NTRK3: variants seen among roughly 807,000 people sequenced by gnomAD.
NTRK3 encodes the protein NT-3 growth factor receptor.
Under a neutral mutation model 91.7 loss-of-function variants are expected in NTRK3, and 24 were observed. The observed-to-expected ratio is 0.26, with a 90% CI of 0.19 to 0.37. The LOEUF is 0.37. Ranked by LOEUF, NTRK3 falls within the 10% of genes least tolerant of loss-of-function variation. The pLI is 1.00. For synonymous variants in NTRK3, 483 were observed against 404.0 expected, an observed-to-expected ratio of 1.20 and a Z score of -2.34; for missense variants, 880 against 1,068.9, an observed-to-expected ratio of 0.82 and a Z score of 2.46.
intron 14 of NTRK3, among the ~76,000 whole-genome samples, chr15:87,995,735 A>G (rs1214649553): frequency 2.6e-5 from 4 of 152,318 alleles, no homozygotes; most frequent in African/African-American, 7.2e-5. Context: ...GTCAAGAGAC[A>G]GACAGTAAAT....
chr15:88,029,387 G>C (rs1279691483), intron 14 of NTRK3, among the ~76,000 whole-genome samples: 1 of 152,198 alleles, frequency 6.6e-6, no homozygotes, highest in Non-Finnish European at 1.5e-5. Flanking sequence ...CTATGGACCA[G>C]ATTGAAAGCA....
intron 14 of NTRK3, among the ~76,000 whole-genome samples, chr15:87,956,473 C>T (rs996373011): frequency 1.3e-5 from 2 of 152,200 alleles, no homozygotes; most frequent in African/African-American, 4.8e-5. Context: ...GGGGTTTTGC[C>T]ATGTTGGCCA....
intron 13 of NTRK3, among the ~76,000 whole-genome samples, chr15:88,087,876 T>G (rs969630619): frequency 3.3e-5 from 5 of 152,044 alleles, no homozygotes; most frequent in Non-Finnish European, 5.9e-5. Flanking sequence ...TGGTGAAACC[T>G]CATCTCTACT....
chr15:88,238,989 A>G (rs2052061021), intron 3 of NTRK3, among the ~76,000 whole-genome samples: 1 of 152,240 alleles, frequency 6.6e-6, no homozygotes, highest in South Asian at 2.1e-4. Flanking sequence ...TTCTCCACTC[A>G]GACAGTGGCT....
chr15:87,948,068 T>C (rs1340550755), intron 14 of NTRK3, among the ~76,000 whole-genome samples: 2 of 152,190 alleles, frequency 1.3e-5, no homozygotes, highest in East Asian at 3.9e-4. Flanking sequence ...TCACGCCTTC[T>C]ATGAATGGCA....
At position 87,945,323 on chromosome 15, in the gene NTRK3, G is replaced by A. The variant is rs180773646; in HGVS notation, c.1586-4570C>T. ...ATCTTCTTGTTCCCACAGGACAACC[G>A]GTTCATCTGACACAAGAACAGAAAC... On this transcript the variant is annotated intron_variant, in intron 14 of 18. Coordinates refer to ENST00000394480, the Ensembl canonical transcript of NTRK3. Among the ~76,000 whole-genome samples the A allele has an allele frequency of 1.6e-4, 24 of 152,292 alleles. No individual in the cohort carries two copies. The East Asian group carries it at 3.7e-3, about 23-fold the overall frequency.
intron 5 of NTRK3, among the ~76,000 whole-genome samples, chr15:88,180,662 G>C (rs1474243873): frequency 2.6e-4 from 32 of 123,050 alleles, no homozygotes; most frequent in Non-Finnish European, 4.9e-5. Context: ...AAGAAGAAAA[G>C]ACTTCTCAGC....
intron 17 of NTRK3, among the ~76,000 whole-genome samples, chr15:87,921,625 T>C (rs2067881377): frequency 6.6e-6 from 1 of 152,132 alleles, no homozygotes. Context: ...AGGGACACCT[T>C]ATTGGAGTAA....
At chr15:88,136,243 C>T (rs767620576) in intron 8 of NTRK3, among the ~76,000 whole-genome samples, 13 of 152,202 alleles carry the variant, frequency 8.5e-5, no homozygotes, top group Admixed American at 5.2e-4. Context: ...ATGAGGTGAA[C>T]GGTAGTTCAG....
intron 5 of NTRK3, among the ~76,000 whole-genome samples, chr15:88,182,867 C>T (rs540641177): frequency 6.6e-6 from 1 of 152,270 alleles, no homozygotes; most frequent in African/African-American, 2.4e-5. Flanking sequence ...GAACCCCCAC[C>T]CATAACCACC....
At chr15:88,092,738 C>T (rs1253878835) in intron 13 of NTRK3, among the ~76,000 whole-genome samples, 1 of 152,204 alleles carries the variant, frequency 6.6e-6, no homozygotes, top group African/African-American at 2.4e-5. Context: ...TCTGTTTCAG[C>T]TTCTTTCTAG....
chr15:88,002,379 C>A (rs931316229), intron 14 of NTRK3, among the ~76,000 whole-genome samples: 1 of 151,848 alleles, frequency 6.6e-6, no homozygotes, highest in Admixed American at 6.6e-5. Context: ...GTGACCCTGC[C>A]CTCAAGGAAA....
chr15:88,053,701 A>T (rs2045435027), intron 13 of NTRK3, among the ~76,000 whole-genome samples: 1 of 152,234 alleles, frequency 6.6e-6, no homozygotes, highest in Non-Finnish European at 1.5e-5. Flanking sequence ...TAAGGTTGTT[A>T]TGAGATTTAA....
At chr15:88,074,521 C>T (rs536330929) in intron 13 of NTRK3, among the ~76,000 whole-genome samples, 2 of 152,208 alleles carry the variant, frequency 1.3e-5, no homozygotes, top group South Asian at 2.1e-4. Flanking sequence ...GATCCTGTCC[C>T]CTGGATGACT....
chr15:87,962,015 G>C (rs1227394213), intron 14 of NTRK3, among the ~76,000 whole-genome samples: 1 of 152,206 alleles, frequency 6.6e-6, no homozygotes, highest in Non-Finnish European at 1.5e-5. Context: ...AGCACCCAGG[G>C]ATCTTGGAAT....
At chr15:88,104,149 A>C (rs2150905744) in intron 13 of NTRK3, among the ~76,000 whole-genome samples, 1 of 152,326 alleles carries the variant, frequency 6.6e-6, no homozygotes, top group Non-Finnish European at 1.5e-5. Context: ...AATAACACTA[A>C]GTTACTGGTT....
chr15:88,170,309 A>G (rs776638103), intron 5 of NTRK3, among the ~76,000 whole-genome samples: 4 of 152,246 alleles, frequency 2.6e-5, no homozygotes, highest in Non-Finnish European at 4.4e-5. Flanking sequence ...CAAGATCTTC[A>G]TAACTTGATC....
At chr15:88,077,241 T>C (rs1246729613) in intron 13 of NTRK3, among the ~76,000 whole-genome samples, 2 of 152,196 alleles carry the variant, frequency 1.3e-5, no homozygotes, top group Non-Finnish European at 2.9e-5. Context: ...CTTCCTCCCA[T>C]TCCTGCTCCC....
intron 6 of NTRK3, among the ~76,000 whole-genome samples, chr15:88,138,332 C>T (rs1043615678): frequency 1.3e-5 from 2 of 152,076 alleles, no homozygotes; most frequent in Admixed American, 1.3e-4. Flanking sequence ...ATGGCGTGAA[C>T]CCAGGAGGCA....
Sources: gnomAD v4.1 joint callset for allele counts (sites outside exome capture counted in the v4.1 genomes callset) on GRCh38, gnomAD v4.1.1 for gene constraint, MANE v1.5 for transcripts, NCBI Gene and HGNC (gene_info 2026-07-23, HGNC 2026-07-21) for gene names.